Variants in HK2 observed in about 807,000 individuals in gnomAD.
HK2 encodes hexokinase-2.
A neutral mutation model predicts 92.9 loss-of-function variants in HK2; 42 were observed. The ratio of observed to expected loss-of-function variants is 0.45; its 90% CI spans 0.35 to 0.58. HK2 has a LOEUF of 0.58. Among genes scored for constraint, HK2 ranks in the 20% least tolerant of loss-of-function variants. HK2 has a pLI of 0.00. For missense variants in HK2, 978 were observed against 1,245.1 expected, an observed-to-expected ratio of 0.79 and a Z score of 3.23; for synonymous variants, 422 against 468.0, an observed-to-expected ratio of 0.90 and a Z score of 1.27.
At chr2:74,888,170 G>A (rs1358734753) in intron 16 of HK2, 112 bp downstream of exon 16, 13 of 1,130,034 alleles carry the variant, frequency 1.2e-5, no homozygotes, top group African/African-American at 1.1e-4. Flanking sequence ...AGTCAGTTTA[G>A]TGGCAAACAC....
intron 2 of HK2, among the ~76,000 whole-genome samples, chr2:74,857,671 T>G (rs1331210440): frequency 6.6e-6 from 1 of 151,822 alleles, no homozygotes; most frequent in African/African-American, 2.4e-5. Flanking sequence ...ATAGATAAAT[T>G]TAAAAAAAAT....
chr2:74,888,416 C>T (rs1322030797), intron 16 of HK2, among the ~76,000 whole-genome samples: 1 of 152,222 alleles, frequency 6.6e-6, no homozygotes. Flanking sequence ...AAAGCCCTTC[C>T]TAACTGCTGG....
chr2:74,862,895 C>T (rs1688863793), intron 2 of HK2, among the ~76,000 whole-genome samples: 1 of 152,118 alleles, frequency 6.6e-6, no homozygotes, highest in Non-Finnish European at 1.5e-5. Context: ...AGGAGGTTAT[C>T]GTTACCCTTT....
chr2:74,848,644 A>G (rs1282763263), intron 1 of HK2, among the ~76,000 whole-genome samples: 2 of 152,236 alleles, frequency 1.3e-5, no homozygotes, highest in Non-Finnish European at 2.9e-5. Context: ...TTTCGTCTAC[A>G]CTTCCCTTTT....
chr2:74,874,072 T>A, intron 6 of HK2, 129 bp downstream of exon 6: 2 of 970,708 alleles, frequency 2.1e-6, no homozygotes, highest in Admixed American at 2.0e-5. Context: ...GTCCAGTCAC[T>A]TTGGAGAGCC....
Position 74,891,963 on chromosome 2 carries a change from G to C in HK2, c.*1022G>C, listed in dbSNP as rs1361554100. ...GAGAAGGGAAGCCTCTTCAGGGTGA[G>C]TGAATGGCAAAGCGGTTGCTTCTGG... On this transcript the variant is annotated 3_prime_UTR_variant, in exon 18 of 18. Transcript: ENST00000290573. 2.0e-5 allele frequency: 3 copies of C among 152,604 alleles called. No individual in the cohort carries two copies. Among genetic ancestry groups the C allele is most frequent in the Admixed American group, 1.3e-4 (2 of 15,282 alleles). The allele number at this position is 152,604 out of a possible 1,614,324, so 9.5% of individuals were successfully genotyped here.
chr2:74,844,256 C>CGG, intron 1 of HK2, among the ~76,000 whole-genome samples: 1 of 152,354 alleles, frequency 6.6e-6, no homozygotes, highest in East Asian at 1.9e-4. Context: ...CCCAAGCTCA[C>CGG]ATAGGATAAG....
intron 1 of HK2, among the ~76,000 whole-genome samples, chr2:74,840,904 A>AAAG (rs869156790): frequency 0.062 from 7,005 of 113,890 alleles, 877 homozygotes; most frequent in African/African-American, 0.13. Flanking sequence ...AAAAAAAAAA[A>AAAG]GCTGTGGGGG....
chr2:74,889,463 A>G lies in HK2; in HGVS notation c.2594A>G (p.Tyr865Cys), dbSNP rs567613723. ...KVTVGVDGTL[Y>C]KLHPHFAKVM... Reference sequence around the variant, plus strand: ...ACAGTGGGTGTGGATGGGACCCTCTACAAGCTACATCCTCAGTGAGTGCCT... The same window carrying G: ...ACAGTGGGTGTGGATGGGACCCTCTGCAAGCTACATCCTCAGTGAGTGCCT... Residue 865 changes from tyrosine to cysteine, a missense_variant, in exon 17 of 18, where the codon TAC (tyrosine) becomes TGC (cysteine). Transcript: ENST00000290573. 6 of 1,609,434 alleles carry G rather than the reference A, an allele frequency of 3.7e-6. No homozygotes were observed. In the East Asian group the frequency reaches 6.7e-5, roughly 18 times the overall value.
intron 14 of HK2, 45 bp downstream of exon 14, chr2:74,886,438 G>T (rs763840199): frequency 1.2e-6 from 2 of 1,613,784 alleles, no homozygotes; most frequent in African/African-American, 1.3e-5. Flanking sequence ...GCACAGCCTT[G>T]GGTGTGGAGG....
At chr2:74,869,223 G>A (rs1011546727) in intron 3 of HK2, among the ~76,000 whole-genome samples, 3 of 152,020 alleles carry the variant, frequency 2.0e-5, no homozygotes, top group Non-Finnish European at 2.9e-5. Context: ...AAATGAAAAG[G>A]AAAGAAAGCT....
At chr2:74,860,044 T>C (rs1368471821) in intron 2 of HK2, among the ~76,000 whole-genome samples, 1 of 152,202 alleles carries the variant, frequency 6.6e-6, no homozygotes, top group African/African-American at 2.4e-5. Context: ...TGGAGGCTGT[T>C]ATTTTAAGTG....
Position 74,853,093 on chromosome 2 carries a change from G to A in HK2, c.64-1200G>A, listed in dbSNP as rs28362979. On this transcript the variant is annotated intron_variant, in intron 1 of 17. Coordinates refer to ENST00000290573, the MANE Select transcript of HK2 (RefSeq NM_000189.5). ...CAGAGAGAGGCCTGAAGGAGTGGTA[G>A]CAGATCGTCAGGGCATGTACCTGGA... Among the ~76,000 whole-genome samples, 348 of 152,260 alleles carry A rather than the reference G, an allele frequency of 2.3e-3. 1 individual carries two copies. The highest frequency in any genetic ancestry group is 8.1e-3 in the African/African-American group (335 of 41,540).
At chr2:74,864,088 C>T (rs1688894128) in intron 2 of HK2, among the ~76,000 whole-genome samples, 1 of 152,174 alleles carries the variant, frequency 6.6e-6, no homozygotes, top group South Asian at 2.1e-4. Flanking sequence ...GTTGGCCACC[C>T]TACATGGCCC....
Position 74,891,300 on chromosome 2 carries a change from C to T in HK2, c.*359C>T. 1 of 330,670 alleles carries T rather than the reference C, an allele frequency of 3.0e-6. No homozygotes were observed. The highest frequency in any genetic ancestry group is 5.9e-6 in the Non-Finnish European group (1 of 170,466). The allele number at this position is 330,670 out of a possible 1,614,324, so 20.5% of individuals were successfully genotyped here. ...AGATACGGTTGCTTCACCTTGGAGC[C>T]TGAACATGACATTTCTAAGTGGGGT... On this transcript the variant is annotated 3_prime_UTR_variant, in exon 18 of 18. Coordinates refer to ENST00000290573, the MANE Select transcript of HK2 (RefSeq NM_000189.5).
chr2:74,846,715 C>G (rs1416192951), intron 1 of HK2, among the ~76,000 whole-genome samples: 6 of 152,172 alleles, frequency 3.9e-5, no homozygotes, highest in Non-Finnish European at 7.3e-5. Context: ...AGTGCAGCAG[C>G]GTGATCATGG....
chr2:74,852,698 A>AC lies in HK2; in HGVS notation c.64-1595_64-1594insC, dbSNP rs1296169048. ...TAACAATTAAAAGATTAAAAAAAAA[A>AC]AACAACAAAAAACGAGTGAGAGTTA... On this transcript the variant is annotated intron_variant, in intron 1 of 17. Coordinates refer to ENST00000290573, the MANE Select transcript of HK2 (RefSeq NM_000189.5). Among the ~76,000 whole-genome samples, 7 of 152,128 alleles carry AC rather than the reference A, an allele frequency of 4.6e-5. No individual in the cohort carries two copies. In the East Asian group the frequency reaches 9.7e-4, roughly 21 times the overall value.
chr2:74,841,894 C>T (rs1283516590), intron 1 of HK2, among the ~76,000 whole-genome samples: 1 of 152,148 alleles, frequency 6.6e-6, no homozygotes, highest in Non-Finnish European at 1.5e-5. Context: ...TCAGAAGGCA[C>T]TTGAGCTGGG....
chr2:74,851,799 C>G (rs1052960605), intron 1 of HK2, among the ~76,000 whole-genome samples: 3 of 152,206 alleles, frequency 2.0e-5, no homozygotes, highest in Non-Finnish European at 2.9e-5. Context: ...CCCAGACCTG[C>G]TCAGTCACCT....
Sources: gnomAD v4.1 joint callset for allele counts (sites outside exome capture counted in the v4.1 genomes callset) on GRCh38, gnomAD v4.1.1 for gene constraint, MANE v1.5 for transcripts, NCBI Gene and HGNC (gene_info 2026-07-23, HGNC 2026-07-21) for gene names.